Variants in CDH26 observed in about 807,000 individuals in gnomAD.
CDH26 encodes the protein cadherin 26.
CDH26 carries 83 observed loss-of-function variants against 90.3 expected under a neutral mutation model. That is an observed-to-expected ratio of 0.92 (90% CI 0.77 to 1.10). The LOEUF (loss-of-function observed/expected upper bound fraction) is 1.10, where lower values mean the gene tolerates loss of function less well. Ranked by LOEUF, CDH26 falls within the 50% of genes least tolerant of loss-of-function variation. The pLI, the probability that CDH26 is intolerant of heterozygous loss-of-function variation, is 0.00. For synonymous variants in CDH26, 397 were observed against 396.3 expected, an observed-to-expected ratio of 1.00 and a Z score of -0.02; for missense variants, 1,013 against 1,037.6, an observed-to-expected ratio of 0.98 and a Z score of 0.33.
At chr20:60,001,293 G>T (rs1317683503) in intron 14 of CDH26, 50 bp from the exon 15 acceptor site, 1 of 1,611,202 alleles carries the variant, frequency 6.2e-7, no homozygotes, top group African/African-American at 1.3e-5. Context: ...TTTGTTTCCA[G>T]CTGGAGAGAA....
intron 4 of CDH26, among the ~76,000 whole-genome samples, chr20:59,977,271 C>A (rs1448186170): frequency 1.3e-5 from 2 of 152,070 alleles, no homozygotes; most frequent in Non-Finnish European, 2.9e-5. Flanking sequence ...ACCAGTTGAC[C>A]CTTGAGAATC....
chr20:59,992,018 G>A lies in CDH26; in HGVS notation c.1284-360G>A, dbSNP rs1000043285. 6.6e-6 allele frequency among the ~76,000 whole-genome samples: 1 copy of A among 152,216 alleles called. No homozygotes were observed. The highest frequency in any genetic ancestry group is 2.4e-5 in the African/African-American group (1 of 41,450). On this transcript the variant is annotated intron_variant, in intron 9 of 17. Coordinates refer to ENST00000348616, the MANE Select transcript of CDH26 (RefSeq NM_177980.4). This position sits in a 1 kb window ranked among gnomAD's most constrained non-coding sequence, Gnocchi z 5.0. ...GTCCTAGGTTTCTGTTGCAAGGGCAGGTTGGTTTTTCACACTAAGCTAACA... is the reference window on the plus strand; with the variant it reads ...GTCCTAGGTTTCTGTTGCAAGGGCAAGTTGGTTTTTCACACTAAGCTAACA...
intron 1 of CDH26, among the ~76,000 whole-genome samples, chr20:59,967,864 TCTTTCTTTCTTTCTTCCTTC>T (rs1236241627): frequency 3.8e-4 from 44 of 114,926 alleles, no homozygotes; most frequent in African/African-American, 2.0e-3. Context: ...TTTCTTTCTT[TCTTTCTTTCTTTCTTCCTTC>T]CTTCCTTCCT....
chr20:59,967,825 C>A (rs973936938), intron 1 of CDH26, among the ~76,000 whole-genome samples: 81 of 48,010 alleles, frequency 1.7e-3, no homozygotes, highest in South Asian at 0.016. Context: ...TTCTTTCTTT[C>A]TTTCTTTCTT....
At chr20:60,001,268 G>A (rs774959814) in intron 14 of CDH26, 75 bp from the exon 15 acceptor site, 88 of 1,576,492 alleles carry the variant, frequency 5.6e-5, no homozygotes, top group Non-Finnish European at 7.1e-5. Context: ...GTGGTGAGAG[G>A]TCACGCATGC....
chr20:60,016,502 A>C (rs1285142610), downstream of CDH26, among the ~76,000 whole-genome samples: 5 of 152,128 alleles, frequency 3.3e-5, no homozygotes, highest in Non-Finnish European at 7.4e-5. Flanking sequence ...ATCAGTTCTA[A>C]GAGTTTTTGG....
rs762724907 is a variant in CDH26 at position 59,995,855 on chromosome 20, C to G, written c.1689C>G (p.Thr563=). The G allele has an allele frequency of 6.2e-7, 1 of 1,614,106 alleles. No individual in the cohort carries two copies. Among genetic ancestry groups the G allele is most frequent in the Non-Finnish European group, 8.5e-7 (1 of 1,180,046 alleles). The change falls in exon 12 of 18, where the codon ACC becomes ACG. Residue 563 remains threonine (T), a synonymous_variant. Transcript: ENST00000348616. The part of the protein sequence containing the change: ...RNWGQSVELL[T]LRSLPRGNYL... ...CAGGTCAATCAGTTGAACTTTTAACCTTGAGAAGCCTGCCACGTGGTAATT... is the reference window on the plus strand; with the variant it reads ...CAGGTCAATCAGTTGAACTTTTAACGTTGAGAAGCCTGCCACGTGGTAATT...
intron 1 of CDH26, among the ~76,000 whole-genome samples, chr20:59,967,848 TC>T (rs2061175021): frequency 9.4e-6 from 1 of 106,100 alleles, no homozygotes; most frequent in Admixed American, 9.3e-5. Flanking sequence ...TTTCTTTCTT[TC>T]TTTCTTTCTT....
At chr20:60,026,930 T>C (rs1052760709) in intron 7 of CDH26, among the ~76,000 whole-genome samples, 2 of 152,214 alleles carry the variant, frequency 1.3e-5, no homozygotes, top group African/African-American at 4.8e-5. Context: ...TGGAACAGCA[T>C]AAGTGCTCAT....
intron 4 of CDH26, among the ~76,000 whole-genome samples, chr20:59,977,035 A>G (rs1251254133): frequency 1.3e-5 from 2 of 152,050 alleles, no homozygotes; most frequent in Non-Finnish European, 2.9e-5. Flanking sequence ...CTGGACTTGA[A>G]TCTGGGCTAC....
chr20:60,032,335 C>T (rs2122802336), intron 8 of CDH26, among the ~76,000 whole-genome samples: 1 of 152,282 alleles, frequency 6.6e-6, no homozygotes, highest in South Asian at 2.1e-4. Flanking sequence ...TTGGCCAGAA[C>T]TAGTCCTGTG....
intron 17 of CDH26, among the ~76,000 whole-genome samples, chr20:60,007,570 C>T (rs529118783): frequency 4.6e-5 from 7 of 152,258 alleles, no homozygotes; most frequent in Non-Finnish European, 7.4e-5. Context: ...TTGATGCAAA[C>T]GGAGGGGCTG....
intron 7 of CDH26, among the ~76,000 whole-genome samples, chr20:60,021,863 C>CACACACACACACACACAT (rs1555903607): frequency 0.012 from 790 of 63,340 alleles, 33 homozygotes; most frequent in African/African-American, 0.038. Flanking sequence ...CACACACACA[C>CACACACACACACACACAT]ACACACACAC....
chr20:60,029,309 TCTATAGTCAACAACATAGCAC>T (rs2062022292), intron 7 of CDH26, among the ~76,000 whole-genome samples: 3 of 143,816 alleles, frequency 2.1e-5, no homozygotes, highest in African/African-American at 7.7e-5. Flanking sequence ...CAACGTAGCA[TCTATAGTCAACAACATAGCAC>T]CTATAGTCAA....
At chr20:60,006,656 T>G in intron 16 of CDH26, 57 bp from the exon 17 acceptor site, 21 of 1,256,050 alleles carry the variant, frequency 1.7e-5, no homozygotes, top group Non-Finnish European at 2.5e-5. Flanking sequence ...CACACAGGGG[T>G]TGGGGGGTAG....
At chr20:60,027,098 G>C (rs547973174) in intron 7 of CDH26, among the ~76,000 whole-genome samples, 2 of 152,230 alleles carry the variant, frequency 1.3e-5, no homozygotes, top group African/African-American at 4.8e-5. Flanking sequence ...GGCAGTAGGT[G>C]GTCACTTAGC....
At chr20:60,010,682 G>A (rs1042313686) in intron 17 of CDH26, among the ~76,000 whole-genome samples, 3 of 152,202 alleles carry the variant, frequency 2.0e-5, no homozygotes, top group Admixed American at 6.5e-5. Context: ...ATGTTTCTGG[G>A]GTTTGTGCAG....
chr20:60,026,390 T>TAGAGAGAGAGAGAGAGAGAGAG (rs60922926), intron 7 of CDH26, among the ~76,000 whole-genome samples: 1 of 139,268 alleles, frequency 7.2e-6, no homozygotes, highest in African/African-American at 2.7e-5. Flanking sequence ...TGGCTGGAGT[T>TAGAGAGAGAGAGAGAGAGAGAG]AGAGAGAGAG....
chr20:60,029,351 C>CCTATAAACAACGTAGCAT (rs1569072210), intron 7 of CDH26, among the ~76,000 whole-genome samples: 3 of 27,848 alleles, frequency 1.1e-4, no homozygotes. Flanking sequence ...CAACGTAGCA[C>CCTATAAACAACGTAGCAT]CTATAGTCAA....
Sources: gnomAD v4.1 joint callset for allele counts (sites outside exome capture counted in the v4.1 genomes callset) on GRCh38, gnomAD v4.1.1 for gene constraint, Gnocchi (gnomAD v3.1) non-coding constraint, MANE v1.5 for transcripts, NCBI Gene and HGNC (gene_info 2026-07-23, HGNC 2026-07-21) for gene names.